The following RARS1 variants were observed in gnomAD, a reference collection of about 807,000 sequenced individuals.
RARS1 encodes the protein arginine--tRNA ligase, cytoplasmic.
Under a neutral mutation model 78.7 loss-of-function variants are expected in RARS1, and 75 were observed. The observed-to-expected ratio is 0.95, with a 90% CI of 0.79 to 1.15. The LOEUF (loss-of-function observed/expected upper bound fraction) is 1.15. RARS1 is among the 50% of genes most tolerant of loss of function. RARS1 has a pLI of 0.00. For missense variants in RARS1, 787 were observed against 787.5 expected (o/e 1.00, Z 0.01); for synonymous variants, 273 against 268.2 (o/e 1.02, Z -0.18).
At chr5:168,490,123 C>G (rs1386575966) in intron 2 of RARS1, among the ~76,000 whole-genome samples, 1 of 152,070 alleles carries the variant, frequency 6.6e-6, no homozygotes, top group African/African-American at 2.4e-5. Context: ...GTCCATATTT[C>G]CTATTTGTGA....
chr5:168,497,991 G>T (rs1304380007), intron 7 of RARS1: 7 of 152,126 alleles, frequency 4.6e-5, no homozygotes, highest in African/African-American at 1.7e-4. Context: ...ACTTGGAGAG[G>T]CTGAGGCAAG....
chr5:168,508,782 C>G lies in RARS1; in HGVS notation c.1347-1799C>G, dbSNP rs541415912. ...TAATTTCATCATCTTCCTGCTATTC[C>G]TTGTACATCTGTTTATTGAGGATGT... On this transcript the variant is annotated intron_variant, in intron 11 of 14. Coordinates refer to ENST00000231572, the MANE Select transcript of RARS1 (RefSeq NM_002887.4). Among the ~76,000 whole-genome samples the G allele has an allele frequency of 2.0e-5, 3 of 151,058 alleles. No homozygotes were observed. In the South Asian group the frequency reaches 6.2e-4, roughly 31 times the overall value.
At chr5:168,500,200 C>CAAAAA (rs36015007) in intron 7 of RARS1, among the ~76,000 whole-genome samples, 8 of 47,744 alleles carry the variant, frequency 1.7e-4, no homozygotes, top group African/African-American at 2.7e-4. Flanking sequence ...GACTCTGTCT[C>CAAAAA]AAAAAAAAAA....
chr5:168,491,994 A>T (rs1758097517), intron 2 of RARS1, among the ~76,000 whole-genome samples: 1 of 136,382 alleles, frequency 7.3e-6, no homozygotes, highest in East Asian at 2.1e-4. Context: ...TGGCAAGTAC[A>T]GTGCTAGATG....
Position 168,502,397 on chromosome 5 carries a change from A to T in RARS1, c.1057+292A>T, listed in dbSNP as rs187013728. On this transcript the variant is annotated intron_variant, in intron 9 of 14. Coordinates refer to ENST00000231572, the MANE Select transcript of RARS1 (RefSeq NM_002887.4). The stretch of plus-strand genomic sequence containing the variant: ...ATATATATATATATTTTTTTTTTTT[A>T]AAACAATCTTGCTATGTTGCCTAGG... Among the ~76,000 whole-genome samples the T allele has an allele frequency of 0.17, 18,977 of 113,832 alleles. 1,592 individuals carry two copies. The highest frequency in any genetic ancestry group is 0.22 in the Non-Finnish European group (12,365 of 57,158). The allele number at this position is 113,832 out of a possible 152,430, so 74.7% of individuals were successfully genotyped here. A position where few individuals can be genotyped will look rare whatever the true frequency, so the allele number is the denominator to read the frequency against.
intron 5 of RARS1, 137 bp from the exon 6 acceptor site, chr5:168,495,178 G>A (rs1326554681): frequency 2.9e-6 from 4 of 1,385,168 alleles, no homozygotes; most frequent in South Asian, 1.7e-5. Flanking sequence ...CCAAATTAAT[G>A]TTTAAGTCTG....
chr5:168,495,510 A>G (rs1486904715), intron 6 of RARS1, 74 bp downstream of exon 6: 1 of 1,524,842 alleles, frequency 6.6e-7, no homozygotes, highest in Non-Finnish European at 8.9e-7. Flanking sequence ...AACATGGAAT[A>G]TCTCACTCAA....
At chr5:168,515,439 A>G (rs531668151) in intron 12 of RARS1, among the ~76,000 whole-genome samples, 47 of 152,244 alleles carry the variant, frequency 3.1e-4, no homozygotes, top group African/African-American at 1.1e-3. Flanking sequence ...GCATGAGCCA[A>G]TTACAGGCAT....
intron 2 of RARS1, among the ~76,000 whole-genome samples, chr5:168,491,401 A>C (rs1561819111): frequency 2.0e-5 from 3 of 152,162 alleles, no homozygotes. Flanking sequence ...TATCCAAGTA[A>C]ATTTGGCATT....
At chr5:168,492,479 G>A (rs1304685455) in intron 2 of RARS1, among the ~76,000 whole-genome samples, 180 bp from the exon 3 acceptor site, 1 of 152,164 alleles carries the variant, frequency 6.6e-6, no homozygotes, top group Non-Finnish European at 1.5e-5. Context: ...AGATGCCGTG[G>A]GATGGACTTG....
At chr5:168,516,987 A>G (rs1333799604) in intron 13 of RARS1, 37 bp downstream of exon 13, 1 of 1,576,634 alleles carries the variant, frequency 6.3e-7, no homozygotes, top group East Asian at 2.2e-5. Context: ...TGTGAATCAA[A>G]TGAAAGCATA....
intron 14 of RARS1, among the ~76,000 whole-genome samples, chr5:168,518,608 A>G (rs1758724040): frequency 6.6e-6 from 1 of 152,150 alleles, no homozygotes; most frequent in South Asian, 2.1e-4. Flanking sequence ...CTTCTTGGAA[A>G]ACACTTGTTA....
chr5:168,500,562 C>T, intron 7 of RARS1, 29 bp from the exon 8 acceptor site: 3 of 1,418,508 alleles, frequency 2.1e-6, no homozygotes, highest in South Asian at 1.7e-5. Flanking sequence ...TTTTACACAC[C>T]TTACTTTTTA....
chr5:168,490,490 C>A (rs1758060465), intron 2 of RARS1, among the ~76,000 whole-genome samples: 1 of 152,112 alleles, frequency 6.6e-6, no homozygotes, highest in Non-Finnish European at 1.5e-5. Flanking sequence ...CAGATTAGCT[C>A]TTATATAGCT....
In RARS1 at chr5:168,488,700, TTTAAAA is replaced by T. The variant is rs1561818310; in HGVS notation, c.150_155del (p.Leu51_Lys52del). Reference sequence around the variant, plus strand: ...ATTTGGAGCAGTTACAAGAAGAAAATTTAAAATTAAAGTATCGACTGAATATTCTTC... The same window carrying T: ...ATTTGGAGCAGTTACAAGAAGAAAATTTAAAGTATCGACTGAATATTCTTC... On this transcript the variant is annotated inframe_deletion, in exon 2 of 15. Coordinates refer to ENST00000231572, the MANE Select transcript of RARS1 (RefSeq NM_002887.4). 3 of 1,611,086 alleles carry T rather than the reference TTTAAAA, an allele frequency of 1.9e-6. No individual in the cohort carries two copies. The highest frequency in any genetic ancestry group is 1.7e-5 in the Admixed American group (1 of 59,172).
intron 9 of RARS1, among the ~76,000 whole-genome samples, 164 bp downstream of exon 9, chr5:168,502,269 CAT>C (rs1386227533): frequency 6.6e-6 from 1 of 151,192 alleles, no homozygotes; most frequent in Non-Finnish European, 1.5e-5. Context: ...CTGCTTCCCT[CAT>C]ATAATTCCAT....
At chr5:168,509,901 T>A (rs244888) in intron 11 of RARS1, among the ~76,000 whole-genome samples, 22,059 of 151,762 alleles carry the variant, frequency 0.15, 1,826 homozygotes, top group Middle Eastern at 0.22. Flanking sequence ...AGCCCAGGAG[T>A]TCAAGGTTAC....
Position 168,495,438 on chromosome 5 carries a change from T to G in RARS1, c.701+2T>G. The G allele has an allele frequency of 6.2e-7, 1 of 1,612,566 alleles. No individual in the cohort carries two copies. On this transcript the variant is annotated splice_donor_variant, in intron 6 of 14. Transcript: ENST00000231572. LOFTEE classifies it high-confidence loss of function. ...ATTTGCAGGGTATGACGTGCTCAGG[T>G]ATGTGCTCTTGCCTTGCGTACTATT...
At position 168,516,563 on chromosome 5, in the gene RARS1, T is replaced by C. The variant is rs370578810; in HGVS notation, c.1453-215T>C. The stretch of plus-strand genomic sequence containing the variant: ...TACATTTTACAAATTCAGTTTCTCA[T>C]AGACACATTCTTCATTGTGCATAAC... On this transcript the variant is annotated intron_variant, in intron 12 of 14. Coordinates refer to ENST00000231572, the MANE Select transcript of RARS1 (RefSeq NM_002887.4). Among the ~76,000 whole-genome samples the C allele has an allele frequency of 2.6e-5, 4 of 152,372 alleles. No homozygotes were observed. In the South Asian group the frequency reaches 8.3e-4, roughly 32 times the overall value.
Sources: gnomAD v4.1 joint callset for allele counts (sites outside exome capture counted in the v4.1 genomes callset) on GRCh38, gnomAD v4.1.1 for gene constraint, MANE v1.5 for transcripts, NCBI Gene and HGNC (gene_info 2026-07-23, HGNC 2026-07-21) for gene names.